EYA1: variants seen among roughly 807,000 people sequenced by gnomAD.
The protein encoded by EYA1 is protein phosphatase EYA1.
In EYA1, 16 loss-of-function variants were observed where a neutral mutation model predicts 82.0. The ratio of observed to expected loss-of-function variants is 0.20; its 90% confidence interval spans 0.13 to 0.30. The LOEUF (loss-of-function observed/expected upper bound fraction) is 0.30. Among genes scored for constraint, EYA1 ranks in the 10% least tolerant of loss-of-function variants. EYA1 has a pLI of 1.00. For synonymous variants in EYA1, 261 were observed against 264.4 expected (o/e 0.99, Z 0.12); for missense variants, 633 against 730.7 (o/e 0.87, Z 1.54).
chr8:71,414,438 T>A (rs565106309), intron 2 of EYA1, among the ~76,000 whole-genome samples: 1 of 152,338 alleles, frequency 6.6e-6, no homozygotes, highest in Non-Finnish European at 1.5e-5. Flanking sequence ...TGTACCCAAG[T>A]CTGTACTGTC....
intron 2 of EYA1, among the ~76,000 whole-genome samples, chr8:71,504,720 A>AT (rs1490372441): frequency 1.9e-4 from 29 of 152,206 alleles, no homozygotes; most frequent in Admixed American, 1.9e-3. Flanking sequence ...TTGCATCTCC[A>AT]TTTAAAAAAA....
intron 12 of EYA1, among the ~76,000 whole-genome samples, chr8:71,241,322 ACTTAGTT>A (rs1354239887): frequency 6.6e-6 from 1 of 152,198 alleles, no homozygotes; most frequent in Non-Finnish European, 1.5e-5. Context: ...AAATGAATTA[ACTTAGTT>A]CTTAGAGTTC....
intron 2 of EYA1, among the ~76,000 whole-genome samples, chr8:71,431,048 G>A (rs1405261936): frequency 6.6e-6 from 1 of 152,166 alleles, no homozygotes. Context: ...ATGTTTGACG[G>A]CTATAGATGT....
intron 12 of EYA1, chr8:71,225,162 C>G: frequency 2.2e-6 from 1 of 453,888 alleles, no homozygotes; most frequent in South Asian, 1.6e-5. Flanking sequence ...TGATGCAGAA[C>G]AGCATGATTC....
chr8:71,445,293 T>C (rs1473017790), intron 2 of EYA1, among the ~76,000 whole-genome samples: 1 of 152,204 alleles, frequency 6.6e-6, no homozygotes, highest in Non-Finnish European at 1.5e-5. Flanking sequence ...AGATTGGATT[T>C]TATACTTTCA....
At chr8:71,370,538 C>T (rs1343796647) in intron 2 of EYA1, among the ~76,000 whole-genome samples, 1 of 151,450 alleles carries the variant, frequency 6.6e-6, no homozygotes, top group African/African-American at 2.4e-5. Flanking sequence ...TCCCCTAGAG[C>T]ACCAGTAAAG....
rs146040013 is a variant in EYA1, at chr8:71,515,227, G to A, written c.33+20517C>T. On this transcript the variant is annotated intron_variant, in intron 2 of 18. Transcript: ENST00000643681. ...TGAAATTCTATTGGCTCATTTTTCAGATGAGGAAGGCCAGATAAGTAACTT... is the reference window on the plus strand; with the variant it reads ...TGAAATTCTATTGGCTCATTTTTCAAATGAGGAAGGCCAGATAAGTAACTT... Among the ~76,000 whole-genome samples, 119 of 152,188 alleles carry A rather than the reference G, an allele frequency of 7.8e-4. No homozygotes were observed. In the East Asian group the frequency reaches 0.01, roughly 13 times the overall value.
At chr8:71,465,663 C>G (rs191007193) in intron 2 of EYA1, among the ~76,000 whole-genome samples, 68 of 152,088 alleles carry the variant, frequency 4.5e-4, no homozygotes, top group African/African-American at 1.6e-3. Context: ...ATAAAATGCA[C>G]AAGTAATACT....
intron 2 of EYA1, among the ~76,000 whole-genome samples, chr8:71,367,817 A>G (rs367652035): frequency 4.6e-5 from 7 of 152,198 alleles, no homozygotes; most frequent in East Asian, 1.9e-4. Flanking sequence ...TTAGTATACT[A>G]TGGTGTGAGG....
chr8:71,374,303 C>G (rs1828243782), intron 2 of EYA1, among the ~76,000 whole-genome samples: 1 of 151,922 alleles, frequency 6.6e-6, no homozygotes, highest in Non-Finnish European at 1.5e-5. Flanking sequence ...ACAAAGAACC[C>G]AATCAAATAA....
At chr8:71,246,301 G>T (rs558062585) in intron 11 of EYA1, among the ~76,000 whole-genome samples, 2 of 152,260 alleles carry the variant, frequency 1.3e-5, no homozygotes, top group East Asian at 3.9e-4. Context: ...TGTAACCAGG[G>T]GGATTGTAAG....
rs1476986930 is a variant in EYA1 at position 71,361,942 on chromosome 8, G to T, written c.-350C>A. On this transcript the variant is annotated 5_prime_UTR_variant, in exon 1 of 18. Transcript: ENST00000340726. The stretch of plus-strand genomic sequence containing the variant: ...ACGGCAACAGGAAGGCTTAAAGTCG[G>T]AAGTGGCACTGGAGAGTTTCTACCT... 1 of 985,466 alleles carries T rather than the reference G, an allele frequency of 1.0e-6. No homozygotes were observed. Among genetic ancestry groups the T allele is most frequent in the Non-Finnish European group, 1.2e-6 (1 of 829,962 alleles). The allele number at this position is 985,466 out of a possible 1,614,324, so 61.0% of individuals were successfully genotyped here.
At chr8:71,473,494 A>G (rs1424356052) in intron 2 of EYA1, among the ~76,000 whole-genome samples, 1 of 152,216 alleles carries the variant, frequency 6.6e-6, no homozygotes, top group East Asian at 1.9e-4. Flanking sequence ...TCAAAACCAC[A>G]ATGAGATACC....
intron 3 of EYA1, among the ~76,000 whole-genome samples, chr8:71,337,351 C>A (rs529185405): frequency 6.6e-6 from 1 of 152,216 alleles, no homozygotes; most frequent in South Asian, 2.1e-4. Flanking sequence ...CTTTTTCTAC[C>A]ATTCTAAGTT....
chr8:71,367,531 T>C (rs1200020642), intron 2 of EYA1, among the ~76,000 whole-genome samples: 1 of 147,784 alleles, frequency 6.8e-6, no homozygotes, highest in Non-Finnish European at 1.5e-5. Context: ...TAATTTTTTC[T>C]TCCTCCAGTC....
exon 1 of EYA1, chr8:71,548,080 C>T (rs887260811): frequency 1.3e-5 from 2 of 152,238 alleles, no homozygotes; most frequent in Admixed American, 6.5e-5. Context: ...GAGGGGCGCC[C>T]TTCGCGCGGC....
chr8:71,218,536 T>TA (rs932019901), intron 12 of EYA1, among the ~76,000 whole-genome samples: 13 of 152,256 alleles, frequency 8.5e-5, no homozygotes, highest in African/African-American at 3.1e-4. Flanking sequence ...TTTGACCTTG[T>TA]AACCCTCCCC....
intron 2 of EYA1, among the ~76,000 whole-genome samples, chr8:71,501,228 C>T (rs1038463416): frequency 1.3e-5 from 2 of 152,206 alleles, no homozygotes; most frequent in African/African-American, 4.8e-5. Flanking sequence ...TGAGGCAAGG[C>T]CTGGGATAAA....
intron 7 of EYA1, among the ~76,000 whole-genome samples, chr8:71,314,934 A>C (rs1821744325): frequency 6.6e-6 from 1 of 152,148 alleles, no homozygotes; most frequent in Non-Finnish European, 1.5e-5. Flanking sequence ...ATTTCTTTTA[A>C]ATGATAATTT....
Sources: gnomAD v4.1 joint callset for allele counts (sites outside exome capture counted in the v4.1 genomes callset) on GRCh38, gnomAD v4.1.1 for gene constraint, MANE v1.5 for transcripts, NCBI Gene and HGNC (gene_info 2026-07-23, HGNC 2026-07-21) for gene names.